The following N4BP2L1 variants were observed in gnomAD, a reference collection of about 807,000 sequenced individuals.
N4BP2L1 encodes the protein NEDD4 binding protein 2 like 1.
In N4BP2L1, 12 loss-of-function variants were observed where a neutral mutation model predicts 21.2. The observed-to-expected ratio is 0.57, with a 90% CI of 0.36 to 0.92. The LOEUF is 0.92. Among genes scored for constraint, N4BP2L1 ranks in the 40% least tolerant of loss-of-function variants. The pLI, the probability that N4BP2L1 is intolerant of heterozygous loss-of-function variation, is 0.01. For synonymous variants in N4BP2L1, 104 were observed against 112.8 expected (o/e 0.92, Z 0.49); for missense variants, 259 against 310.6 (o/e 0.83, Z 1.25).
chr13:32,403,137 A>T lies in N4BP2L1; in HGVS notation c.537T>A (p.Asp179Glu). ...IHRMKERYEH[D>E]VTFHSVLHAE... ...CATGAAGCACACTGTGAAAAGTAACATCGTGTTCATACCGTTCTTTCATTC... is the reference window on the plus strand; with the variant it reads ...CATGAAGCACACTGTGAAAAGTAACTTCGTGTTCATACCGTTCTTTCATTC... Residue 179 changes from aspartate (D) to glutamate (E), a missense_variant, in exon 5 of 5, where the codon GAT becomes GAA. By Grantham distance (45) the Asp-to-Glu change is conservative (BLOSUM62 2). This residue lies in a region of N4BP2L1 where 108 missense variants were observed against 107.8 expected (regional missense o/e 1.00). Transcript: ENST00000380130. 2 of 1,614,020 alleles carry T rather than the reference A, an allele frequency of 1.2e-6. No homozygotes were observed. The highest frequency in any genetic ancestry group is 1.7e-6 in the Non-Finnish European group (2 of 1,179,972).
intron 1 of N4BP2L1, among the ~76,000 whole-genome samples, chr13:32,420,922 T>C (rs2074440815): frequency 6.6e-6 from 1 of 152,108 alleles, no homozygotes; most frequent in Non-Finnish European, 1.5e-5. Context: ...CTCGAACTCC[T>C]GACCTCAGGT....
At chr13:32,427,774 C>G in intron 1 of N4BP2L1, 130 bp downstream of exon 1, 1 of 428,410 alleles carries the variant, frequency 2.3e-6, no homozygotes, top group Non-Finnish European at 3.6e-6. Flanking sequence ...GGGCTGGGGC[C>G]GGGGCCGCGG....
At chr13:32,421,778 G>A (rs1388813501) in intron 1 of N4BP2L1, among the ~76,000 whole-genome samples, 1 of 152,134 alleles carries the variant, frequency 6.6e-6, no homozygotes, top group Non-Finnish European at 1.5e-5. Flanking sequence ...CAGTTGGAAG[G>A]CAGACTAATT....
In N4BP2L1 at chr13:32,401,947, A is replaced by G; in HGVS notation, c.*995T>C. On this transcript the variant is annotated 3_prime_UTR_variant, in exon 5 of 5. Transcript: ENST00000380130. ...TTCATAAATTCAGCATCAGTATAAG[A>G]AGACATTCCAGAGTTGTGAGGACTT... is the stretch of plus-strand genomic sequence containing the variant. 1.0e-6 allele frequency: 1 copy of G among 985,548 alleles called. No individual in the cohort carries two copies. The highest frequency in any genetic ancestry group is 1.2e-6 in the Non-Finnish European group (1 of 829,842). 61.1% of individuals were successfully genotyped at this position (985,548 alleles called of 1,614,324 possible).
intron 1 of N4BP2L1, among the ~76,000 whole-genome samples, chr13:32,423,633 A>G (rs905636997): frequency 6.6e-6 from 1 of 152,262 alleles, no homozygotes; most frequent in Non-Finnish European, 1.5e-5. Flanking sequence ...ATGCTACAAC[A>G]TGGATGAACC....
At chr13:32,410,085 T>C (rs1260147632) in intron 1 of N4BP2L1, among the ~76,000 whole-genome samples, 1 of 152,162 alleles carries the variant, frequency 6.6e-6, no homozygotes, top group Non-Finnish European at 1.5e-5. Context: ...CGCTGGGAAG[T>C]CTATTGTGTG....
chr13:32,408,950 C>T lies in N4BP2L1; in HGVS notation c.180-1178G>A, dbSNP rs116932083. Among the ~76,000 whole-genome samples the T allele has an allele frequency of 8.9e-3, 1,359 of 152,300 alleles. 8 individuals carry two copies. The highest frequency in any genetic ancestry group is 0.015 in the Non-Finnish European group (1,011 of 68,012). ...AGCTTTTGTTTTCTCAACTGTAAAA[C>T]ACAGATAATTATCCCTACCTATTAA... On this transcript the variant is annotated intron_variant, in intron 1 of 4. Transcript: ENST00000380130.
Position 32,402,259 on chromosome 13 carries a change from G to A in N4BP2L1, c.*683C>T, listed in dbSNP as rs1339013617. The A allele has an allele frequency of 8.7e-6, 7 of 808,122 alleles. No homozygotes were observed. Among genetic ancestry groups the A allele is most frequent in the East Asian group, 1.3e-4 (1 of 7,984 alleles). The allele number at this position is 808,122 out of a possible 1,614,324, so 50.1% of individuals were successfully genotyped here. ...GAATAAAGTAGTAAAAACACAAGGC[G>A]TGACTTTAAATAATGACACTGATTT... On this transcript the variant is annotated 3_prime_UTR_variant, in exon 5 of 5. Coordinates refer to ENST00000380130, the MANE Select transcript of N4BP2L1 (RefSeq NM_052818.3).
intron 1 of N4BP2L1, among the ~76,000 whole-genome samples, chr13:32,421,390 A>C (rs979521229): frequency 6.6e-6 from 1 of 152,194 alleles, no homozygotes; most frequent in African/African-American, 2.4e-5. Flanking sequence ...TCTGTGGGGA[A>C]AGAGTGCTGG....
intron 1 of N4BP2L1, among the ~76,000 whole-genome samples, chr13:32,421,870 T>C (rs934566212): frequency 2.6e-5 from 4 of 152,170 alleles, no homozygotes; most frequent in Non-Finnish European, 4.4e-5. Context: ...AAAATTCTTA[T>C]TGGGTTCATC....
intron 1 of N4BP2L1, among the ~76,000 whole-genome samples, chr13:32,417,332 C>T (rs1180041633): frequency 2.0e-5 from 3 of 152,150 alleles, no homozygotes; most frequent in Non-Finnish European, 4.4e-5. Context: ...TGGTTACCCT[C>T]ATGCTGTTCT....
intron 1 of N4BP2L1, among the ~76,000 whole-genome samples, chr13:32,413,802 T>C (rs2073984362): frequency 6.6e-6 from 1 of 151,688 alleles, no homozygotes; most frequent in Non-Finnish European, 1.5e-5. Flanking sequence ...GAAATATATA[T>C]ATAATTTCTT....
Position 32,402,460 on chromosome 13 carries a change from C to CGTAAATGTGTTCTCAAGTTTTGGTT in N4BP2L1, c.*481_*482insAACCAAAACTTGAGAACACATTTAC. 1 of 971,658 alleles carries CGTAAATGTGTTCTCAAGTTTTGGTT rather than the reference C, an allele frequency of 1.0e-6. No homozygotes were observed. The highest frequency in any genetic ancestry group is 1.2e-6 in the Non-Finnish European group (1 of 817,864). 60.2% of individuals were successfully genotyped at this position (971,658 alleles called of 1,614,324 possible). On this transcript the variant is annotated 3_prime_UTR_variant, in exon 5 of 5. Coordinates refer to ENST00000380130, the MANE Select transcript of N4BP2L1 (RefSeq NM_052818.3). ...AATCAGTATCATAAGAGTCGCACAT[C>CGTAAATGTGTTCTCAAGTTTTGGTT]TCACATTTTTAGATACATAGATTAT...
rs2073440877 is a variant in N4BP2L1, at chr13:32,405,753, T to A, written c.397-1356A>T. Among the ~76,000 whole-genome samples, 3 of 152,146 alleles carry A rather than the reference T, an allele frequency of 2.0e-5. No homozygotes were observed. The South Asian group carries it at 6.2e-4, about 32-fold the overall frequency. On this transcript the variant is annotated intron_variant, in intron 3 of 4. Coordinates refer to ENST00000380130, the MANE Select transcript of N4BP2L1 (RefSeq NM_052818.3). The stretch of plus-strand genomic sequence containing the variant: ...GAAGATCATTAGAGAAAAGCACACC[T>A]GTAAGTATGCCAGTTAGCCCCAGAT...
Position 32,401,303 on chromosome 13 carries a change from A to C in N4BP2L1, c.*1639T>G, listed in dbSNP as rs187045495. On this transcript the variant is annotated 3_prime_UTR_variant, in exon 5 of 5. Coordinates refer to ENST00000380130, the MANE Select transcript of N4BP2L1 (RefSeq NM_052818.3). ...CTACCTGGGCCTGGAAAATGGGAGC[A>C]TTATTAAGTAGATCATTAGGAGATT... 2.0e-5 allele frequency: 3 copies of C among 152,318 alleles called. No homozygotes were observed. The East Asian group carries it at 5.8e-4, about 29-fold the overall frequency. 9.4% of individuals were successfully genotyped at this position (152,318 alleles called of 1,614,324 possible).
chr13:32,416,263 C>T lies in N4BP2L1; in HGVS notation c.180-8491G>A, dbSNP rs1004720950. ...ATTTTTTACGTAATGCTCAAATAGA[C>T]CTGGGAGATAAGCACTGCTATGAAT... On this transcript the variant is annotated intron_variant, in intron 1 of 4. Transcript: ENST00000380130. 2.6e-5 allele frequency among the ~76,000 whole-genome samples: 4 copies of T among 152,140 alleles called. No homozygotes were observed. The East Asian group carries it at 5.8e-4, about 22-fold the overall frequency.
intron 4 of N4BP2L1, 69 bp from the exon 5 acceptor site, chr13:32,403,269 C>A (rs1307972477): frequency 1.4e-6 from 2 of 1,479,686 alleles, no homozygotes; most frequent in Admixed American, 4.3e-5. Flanking sequence ...TTTACAAGTC[C>A]TCTAGTATTG....
intron 1 of N4BP2L1, chr13:32,415,990 C>T (rs377417807): frequency 6.6e-6 from 1 of 152,214 alleles, no homozygotes; most frequent in South Asian, 2.1e-4. Context: ...AGGGCAGGAT[C>T]TTTGTTTTGT....
In N4BP2L1 at chr13:32,402,935, T is replaced by C. The variant is rs781442890; in HGVS notation, c.*7A>G. 3 of 1,569,968 alleles carry C rather than the reference T, an allele frequency of 1.9e-6. No homozygotes were observed. Among genetic ancestry groups the C allele is most frequent in the South Asian group, 1.2e-5 (1 of 85,492 alleles). On this transcript the variant is annotated 3_prime_UTR_variant, in exon 5 of 5. Transcript: ENST00000380130. Reference sequence around the variant, plus strand: ...AGGAAAATTCTGCCTGGCTGTAAGATAGGCCTCTAATATCCATGGTGACAA... The same window carrying C: ...AGGAAAATTCTGCCTGGCTGTAAGACAGGCCTCTAATATCCATGGTGACAA...
Sources: gnomAD v4.1 joint callset for allele counts (sites outside exome capture counted in the v4.1 genomes callset) on GRCh38, gnomAD v4.1.1 for gene constraint, gnomAD v4.1.1 regional missense constraint, MANE v1.5 for transcripts, NCBI Gene and HGNC (gene_info 2026-07-23, HGNC 2026-07-21) for gene names.